The following SLC25A42 variants were observed in gnomAD, a reference collection of about 807,000 sequenced individuals.
SLC25A42 encodes the protein solute carrier family 25 member 42.
SLC25A42 carries 19 observed loss-of-function variants against 34.7 expected under a neutral mutation model. The ratio of observed to expected loss-of-function variants is 0.55; its 90% CI spans 0.38 to 0.80. The LOEUF (loss-of-function observed/expected upper bound fraction) is 0.80, where lower values mean the gene tolerates loss of function less well. Among genes scored for constraint, SLC25A42 ranks in the 30% least tolerant of loss-of-function variants. The pLI is 0.00. For missense variants in SLC25A42, 364 were observed against 441.3 expected (o/e 0.82, Z 1.57); for synonymous variants, 205 against 191.2 (o/e 1.07, Z -0.59).
At chr19:19,100,489 T>C (rs1390620770) in intron 2 of SLC25A42, among the ~76,000 whole-genome samples, 2 of 152,112 alleles carry the variant, frequency 1.3e-5, no homozygotes, top group African/African-American at 2.4e-5. Flanking sequence ...TCTGCCCTCC[T>C]TGTGGTCCCC....
chr19:19,080,460 T>C lies in SLC25A42; in HGVS notation c.-34-15631T>C, dbSNP rs559433093. Among the ~76,000 whole-genome samples, 10 of 151,982 alleles carry C rather than the reference T, an allele frequency of 6.6e-5. No homozygotes were observed. In the South Asian group the frequency reaches 1.9e-3, roughly 28 times the overall value. ...TCCTCTTCCTTCATTTGGACCAGGC[T>C]CAGGGCTCAGGGTTCTGCTGATGAA... On this transcript the variant is annotated intron_variant, in intron 1 of 7. Transcript: ENST00000318596.
chr19:19,086,721 A>G (rs1311362405), intron 1 of SLC25A42, among the ~76,000 whole-genome samples: 1 of 151,692 alleles, frequency 6.6e-6, no homozygotes, highest in East Asian at 1.9e-4. Context: ...GCTCACTGTA[A>G]CCTCAACTTC....
chr19:19,078,583 CGCAGCAAGCAT>C (rs1438919699), intron 1 of SLC25A42, among the ~76,000 whole-genome samples: 4 of 152,150 alleles, frequency 2.6e-5, no homozygotes, highest in South Asian at 2.1e-4. Context: ...CGAGCATGTA[CGCAGCAAGCAT>C]GCAGCAAGCA....
intron 1 of SLC25A42, among the ~76,000 whole-genome samples, chr19:19,095,500 C>T (rs2059759839): frequency 1.3e-5 from 2 of 151,872 alleles, no homozygotes; most frequent in African/African-American, 4.8e-5. Context: ...GTAGTCCCAG[C>T]TACTTGGGAG....
intron 3 of SLC25A42, among the ~76,000 whole-genome samples, chr19:19,102,427 G>A (rs2059802894): frequency 6.6e-6 from 1 of 151,962 alleles, no homozygotes; most frequent in African/African-American, 2.4e-5. Context: ...CACTCAATTG[G>A]GTTTTTTTAA....
intron 1 of SLC25A42, among the ~76,000 whole-genome samples, chr19:19,092,029 G>A (rs550100858): frequency 1.3e-5 from 2 of 152,306 alleles, no homozygotes; most frequent in East Asian, 3.9e-4. Context: ...ACCAAGGGAT[G>A]AGGCAGCTGG....
chr19:19,105,412 C>A, intron 4 of SLC25A42, 149 bp from the exon 5 acceptor site: 1 of 880,678 alleles, frequency 1.1e-6, no homozygotes, highest in Non-Finnish European at 1.7e-6. Flanking sequence ...CGGGGTGGGG[C>A]CCTCACATGG....
intron 1 of SLC25A42, among the ~76,000 whole-genome samples, chr19:19,071,458 G>A (rs2059629621): frequency 6.6e-6 from 1 of 152,192 alleles, no homozygotes; most frequent in Non-Finnish European, 1.5e-5. Flanking sequence ...CAGTCTTGAG[G>A]AGAAGCTGGG....
intron 1 of SLC25A42, among the ~76,000 whole-genome samples, chr19:19,089,518 A>C (rs2059726319): frequency 1.3e-5 from 2 of 149,106 alleles, no homozygotes. Context: ...ACAGAGCAAG[A>C]CTCCATCTCA....
intron 1 of SLC25A42, among the ~76,000 whole-genome samples, chr19:19,080,515 C>T (rs1473893461): frequency 6.6e-6 from 1 of 152,170 alleles, no homozygotes; most frequent in Non-Finnish European, 1.5e-5. Context: ...GGCACAGTGG[C>T]TCACACCTGT....
In SLC25A42 at chr19:19,112,825, A is replaced by C. The variant is rs1470051782; in HGVS notation, c.*1949A>C. On this transcript the variant is annotated 3_prime_UTR_variant, in exon 8 of 8. Coordinates refer to ENST00000318596, the MANE Select transcript of SLC25A42 (RefSeq NM_178526.5). The surrounding 1 kb of genome is among the most constrained non-coding windows in gnomAD (Gnocchi z 4.3). ...GCCATGAAGACACTGTTTATATCTA[A>C]TGTTTATATATTTTAAAGATTTGTG... 3 of 152,558 alleles carry C rather than the reference A, an allele frequency of 2.0e-5. No homozygotes were observed. The highest frequency in any genetic ancestry group is 3.1e-3 in the Middle Eastern group (1 of 318). The allele number at this position is 152,558 out of a possible 1,614,324, so 9.5% of individuals were successfully genotyped here.
chr19:19,084,129 C>T lies in SLC25A42; in HGVS notation c.-34-11962C>T, dbSNP rs113713547. ...GCACACACCTGCCCATACCCCACCA[C>T]CGCAACATGCCTGGACCCTGTACAT... On this transcript the variant is annotated intron_variant, in intron 1 of 7. Coordinates refer to ENST00000318596, the MANE Select transcript of SLC25A42 (RefSeq NM_178526.5). 9.8e-3 allele frequency among the ~76,000 whole-genome samples: 1,496 copies of T among 152,132 alleles called. 21 individuals are homozygous for T. The highest frequency in any genetic ancestry group is 0.014 in the Non-Finnish European group (923 of 67,988).
chr19:19,080,923 T>G (rs28398369), intron 1 of SLC25A42, among the ~76,000 whole-genome samples: 1 of 139,574 alleles, frequency 7.2e-6, no homozygotes, highest in East Asian at 2.1e-4. Flanking sequence ...CTATAAAATT[T>G]AAAAAAAAAA....
At position 19,112,667 on chromosome 19, in the gene SLC25A42, CCTAG is replaced by C. The variant is rs1330837533; in HGVS notation, c.*1794_*1797del. 1 of 152,854 alleles carries C rather than the reference CCTAG, an allele frequency of 6.5e-6. No individual in the cohort carries two copies. The highest frequency in any genetic ancestry group is 1.5e-5 in the Non-Finnish European group (1 of 68,140). 9.5% of individuals were successfully genotyped at this position (152,854 alleles called of 1,614,324 possible). ...CCAGTGTGTCTCCCCGGAGATGGCT[CCTAG>C]CTGAGTGGGACCCGGCAGGAGTTGG... On this transcript the variant is annotated 3_prime_UTR_variant, in exon 8 of 8. Transcript: ENST00000318596. This position sits in a 1 kb window ranked among gnomAD's most constrained non-coding sequence, Gnocchi z 4.3.
At position 19,109,328 on chromosome 19, in the gene SLC25A42, C is replaced by G. The variant is rs1337228089; in HGVS notation, c.650-1241C>G. ...CTGTAAAACCCCATTTTCGGTGTTT[C>G]TCTCTGGAGTGCTTTCCAGCCCCTT... is the stretch of plus-strand genomic sequence containing the variant. On this transcript the variant is annotated intron_variant, in intron 7 of 7. Transcript: ENST00000318596. This position sits in a 1 kb window ranked among gnomAD's most constrained non-coding sequence, Gnocchi z 4.1. Among the ~76,000 whole-genome samples the G allele has an allele frequency of 6.6e-6, 1 of 152,216 alleles. No homozygotes were observed. The highest frequency in any genetic ancestry group is 1.5e-5 in the Non-Finnish European group (1 of 68,038).
chr19:19,097,963 A>AG (rs1204374681), intron 2 of SLC25A42, among the ~76,000 whole-genome samples: 2 of 47,348 alleles, frequency 4.2e-5, no homozygotes, highest in African/African-American at 1.8e-4. Flanking sequence ...ACCCTGTCTC[A>AG]GAAAAAAAAA....
chr19:19,087,339 G>A (rs1185132845), intron 1 of SLC25A42, among the ~76,000 whole-genome samples: 1 of 152,168 alleles, frequency 6.6e-6, no homozygotes, highest in African/African-American at 2.4e-5. Flanking sequence ...CCAGGCTGGA[G>A]TGCAGTGGCA....
intron 1 of SLC25A42, among the ~76,000 whole-genome samples, chr19:19,092,686 C>T (rs552335233): frequency 6.6e-6 from 1 of 152,330 alleles, no homozygotes; most frequent in African/African-American, 2.4e-5. Flanking sequence ...GGCACCTCAC[C>T]CACTGTTGGG....
At chr19:19,073,091 C>T (rs1000502199) in intron 1 of SLC25A42, among the ~76,000 whole-genome samples, 2 of 152,230 alleles carry the variant, frequency 1.3e-5, no homozygotes. Context: ...GGAGCCTGTG[C>T]ATGCTGCTGT....
Sources: allele counts gnomAD v4.1 joint callset (sites outside exome capture counted in the v4.1 genomes callset), GRCh38; gene constraint gnomAD v4.1.1; non-coding constraint Gnocchi (gnomAD v3.1); transcripts MANE v1.5; gene names NCBI Gene and HGNC (gene_info 2026-07-23, HGNC 2026-07-21).